The following LPIN2 variants were observed in gnomAD, a reference collection of about 807,000 sequenced individuals.
LPIN2 encodes the protein lipin 2, also known as phosphatidate phosphatase LPIN2.
LPIN2 carries 55 observed loss-of-function variants against 111.4 expected under a neutral mutation model. The ratio of observed to expected loss-of-function variants is 0.49; its 90% CI spans 0.40 to 0.62. The LOEUF (loss-of-function observed/expected upper bound fraction) is 0.62. Among genes scored for constraint, LPIN2 ranks in the 20% least tolerant of loss-of-function variants. The pLI, the probability that LPIN2 is intolerant of heterozygous loss-of-function variation, is 0.00. For missense variants in LPIN2, 992 were observed against 1,112.1 expected, an observed-to-expected ratio of 0.89 and a Z score of 1.54; for synonymous variants, 425 against 414.0, an observed-to-expected ratio of 1.03 and a Z score of -0.32.
Position 2,939,550 on chromosome 18 carries a change from G to C in LPIN2, c.752C>G (p.Pro251Arg). 1 of 1,614,050 alleles carries C rather than the reference G, an allele frequency of 6.2e-7. No homozygotes were observed. Among genetic ancestry groups the C allele is most frequent in the Non-Finnish European group, 8.5e-7 (1 of 1,179,954 alleles). ...PKSDSELEVK[P>R]AESLLRSESH... Reference sequence around the variant, plus strand: ...CTCTGATCTGAGCAGGCTCTCCGCAGGTTTCACCTCCAGCTCTGAATCACT... The same window carrying C: ...CTCTGATCTGAGCAGGCTCTCCGCACGTTTCACCTCCAGCTCTGAATCACT... Residue 251 changes from proline (P) to arginine (R), a missense_variant, in exon 6 of 20, where the codon CCT becomes CGT. Transcript: ENST00000677752.
chr18:2,929,084 C>G lies in LPIN2; in HGVS notation c.1531G>C (p.Val511Leu), dbSNP rs1194043952. ...NPGLIDNPNL[V>L]IRIYNRYYNW... ...ATTTACCGATTATATATCCTTATTA[C>G]AAGGTTAGGATTGTCTATAAGTCCA... is the stretch of plus-strand genomic sequence containing the variant. Residue 511 changes from valine (V) to leucine (L), a missense_variant, in exon 10 of 20, where the codon GTA (valine) becomes CTA (leucine). Physicochemically the swap from Val to Leu is conservative, Grantham distance 32. Transcript: ENST00000677752. The G allele has an allele frequency of 1.3e-6, 2 of 1,591,284 alleles. No homozygotes were observed. Among genetic ancestry groups the G allele is most frequent in the Non-Finnish European group, 1.7e-6 (2 of 1,159,632 alleles).
At chr18:2,956,347 C>A (rs1180953696) in intron 2 of LPIN2, among the ~76,000 whole-genome samples, 1 of 81,848 alleles carries the variant, frequency 1.2e-5, no homozygotes, top group African/African-American at 5.3e-5. Flanking sequence ...TGTGTGTGTA[C>A]ACGTGCACAC....
intron 16 of LPIN2, 105 bp downstream of exon 16, chr18:2,923,661 TGCTTCAGCA>T: frequency 1.1e-6 from 1 of 908,898 alleles, no homozygotes; most frequent in Non-Finnish European, 1.8e-6. Flanking sequence ...AGAGCGGGAA[TGCTTCAGCA>T]TAAACACATG....
chr18:2,930,581 T>A (rs2144158295), intron 9 of LPIN2, among the ~76,000 whole-genome samples: 1 of 152,270 alleles, frequency 6.6e-6, no homozygotes, highest in South Asian at 2.1e-4. Flanking sequence ...AATTTTCCCT[T>A]AGAAGAAAAT....
At chr18:2,931,843 G>A (rs2077217419) in intron 8 of LPIN2, among the ~76,000 whole-genome samples, 1 of 152,100 alleles carries the variant, frequency 6.6e-6, no homozygotes, top group African/African-American at 2.4e-5. Flanking sequence ...TGATCCTAAC[G>A]TCCTAGAAAA....
chr18:2,999,515 G>A (rs2078397727), intron 1 of LPIN2, among the ~76,000 whole-genome samples: 1 of 151,862 alleles, frequency 6.6e-6, no homozygotes, highest in Admixed American at 6.6e-5. Context: ...TGAGGCAGGA[G>A]AATGGCATGG....
At chr18:2,982,543 A>G (rs2078127068) in intron 1 of LPIN2, 4 of 349,824 alleles carry the variant, frequency 1.1e-5, no homozygotes, top group South Asian at 1.0e-4. Flanking sequence ...TCACTACAAC[A>G]TTACATTTTC....
In LPIN2 at chr18:2,918,911, T is replaced by G. The variant is rs1009617012; in HGVS notation, c.*1382A>C. 41 of 152,292 alleles carry G rather than the reference T, an allele frequency of 2.7e-4. No homozygotes were observed. The highest frequency in any genetic ancestry group is 9.6e-4 in the African/African-American group (40 of 41,558). The allele number at this position is 152,292 out of a possible 1,614,324, so 9.4% of individuals were successfully genotyped here. ...CGAGCGCCAAGCCTGTATCTGCAGA[T>G]CCCTCTCTGCTCAGGAACCACCACG... On this transcript the variant is annotated 3_prime_UTR_variant, in exon 20 of 20. Coordinates refer to ENST00000677752, the MANE Select transcript of LPIN2 (RefSeq NM_001375808.2).
chr18:3,007,636 T>C lies in LPIN2; in HGVS notation c.-10+5451A>G, dbSNP rs2078537032. On this transcript the variant is annotated intron_variant, in intron 1 of 19. Transcript: ENST00000677752. Reference sequence around the variant, plus strand: ...TAATGCTTCAACTAAGCCCAAACATTCCTTAACTTATGTTGGCTCATAAGA... The same window carrying C: ...TAATGCTTCAACTAAGCCCAAACATCCCTTAACTTATGTTGGCTCATAAGA... 2.0e-5 allele frequency among the ~76,000 whole-genome samples: 3 copies of C among 150,938 alleles called. No individual in the cohort carries two copies. The South Asian group carries it at 6.2e-4, about 31-fold the overall frequency.
intron 1 of LPIN2, among the ~76,000 whole-genome samples, chr18:2,978,238 G>A (rs570310493): frequency 6.6e-6 from 1 of 151,854 alleles, no homozygotes; most frequent in South Asian, 2.1e-4. Context: ...AGATAAACAA[G>A]ATGTCTGGAT....
At chr18:2,942,715 A>C (rs1421130092) in intron 4 of LPIN2, among the ~76,000 whole-genome samples, 3 of 152,210 alleles carry the variant, frequency 2.0e-5, no homozygotes, top group Non-Finnish European at 4.4e-5. Context: ...TTATGCTGAG[A>C]TCCCTTTCAG....
chr18:2,975,605 A>G (rs2143327390), intron 1 of LPIN2, among the ~76,000 whole-genome samples: 1 of 152,314 alleles, frequency 6.6e-6, no homozygotes, highest in South Asian at 2.1e-4. Context: ...AAGTGCTGGG[A>G]TTCCACGCCT....
At chr18:2,929,551 CTG>C (rs375812059) in intron 9 of LPIN2, among the ~76,000 whole-genome samples, 2 of 152,184 alleles carry the variant, frequency 1.3e-5, no homozygotes, top group African/African-American at 4.8e-5. Context: ...AACGGCATAA[CTG>C]GGGAATATTC....
chr18:2,996,467 CTT>C (rs1179106649), intron 1 of LPIN2, among the ~76,000 whole-genome samples: 17 of 84,992 alleles, frequency 2.0e-4, no homozygotes, highest in Admixed American at 5.1e-4. Context: ...AGGAAAATAT[CTT>C]TTTTTTTTTT....
chr18:2,954,307 C>T (rs1192216740), intron 3 of LPIN2, among the ~76,000 whole-genome samples, 197 bp downstream of exon 3: 1 of 152,228 alleles, frequency 6.6e-6, no homozygotes, highest in Non-Finnish European at 1.5e-5. Flanking sequence ...CACCCTGAAA[C>T]TTTGTATGGA....
intron 1 of LPIN2, chr18:2,977,325 C>T (rs1485426481): frequency 6.6e-6 from 1 of 152,108 alleles, no homozygotes; most frequent in African/African-American, 2.4e-5. Context: ...TTTTAAAGTA[C>T]ATACACAGGT....
rs73375253 is a variant in LPIN2 at position 2,920,102 on chromosome 18, C to T, written c.*191G>A. On this transcript the variant is annotated 3_prime_UTR_variant, in exon 20 of 20. Coordinates refer to ENST00000677752, the MANE Select transcript of LPIN2 (RefSeq NM_001375808.2). ...AGGCCCAGTTCCTCCCTTCTCCTTC[C>T]AGGAGCTGAGCTGCAGACCTGCCGA... 1.6e-4 allele frequency: 113 copies of T among 695,162 alleles called. No homozygotes were observed. The African/African-American group carries it at 1.9e-3, about 12-fold the overall frequency. The allele number at this position is 695,162 out of a possible 1,614,324, so 43.1% of individuals were successfully genotyped here.
intron 1 of LPIN2, among the ~76,000 whole-genome samples, chr18:3,005,364 G>A (rs1009428246): frequency 1.3e-5 from 2 of 150,450 alleles, no homozygotes. Flanking sequence ...AAAAAAAAAA[G>A]AAAAAGAAAA....
Position 2,980,925 on chromosome 18 carries a change from T to C in LPIN2, c.-9-20076A>G, listed in dbSNP as rs2143367987. Among the ~76,000 whole-genome samples, 2 of 152,352 alleles carry C rather than the reference T, an allele frequency of 1.3e-5. 1 individual carries two copies. Among genetic ancestry groups the C allele is most frequent in the Middle Eastern group, 6.8e-3 (2 of 294 alleles). ...TGGGGTGAAAATATGGCCAGTAGATTATTCTGGGACTTCAGGTTATTTGAA... is the reference window on the plus strand; with the variant it reads ...TGGGGTGAAAATATGGCCAGTAGATCATTCTGGGACTTCAGGTTATTTGAA... On this transcript the variant is annotated intron_variant, in intron 1 of 19. Transcript: ENST00000677752.
Sources: allele counts gnomAD v4.1 joint callset (sites outside exome capture counted in the v4.1 genomes callset), GRCh38; gene constraint gnomAD v4.1.1; transcripts MANE v1.5; gene names NCBI Gene and HGNC (gene_info 2026-07-23, HGNC 2026-07-21).